Variants in TRMT9B observed in about 807,000 individuals in gnomAD.
TRMT9B encodes the protein tRNA methyltransferase 9B (putative), also known as probable tRNA methyltransferase 9B.
TRMT9B carries 16 observed loss-of-function variants against 11.5 expected under a neutral mutation model. The ratio of observed to expected loss-of-function variants is 1.39; its 90% CI spans 0.94 to 2.11. The LOEUF (loss-of-function observed/expected upper bound fraction) is 2.11. TRMT9B is among the 30% of genes most tolerant of loss of function. TRMT9B has a pLI of 0.00. For missense variants in TRMT9B, 941 were observed against 553.8 expected (o/e 1.70, Z -7.02); for synonymous variants, 274 against 192.4 (o/e 1.42, Z -3.51).
intron 1 of TRMT9B, among the ~76,000 whole-genome samples, chr8:12,986,482 A>G (rs1463678598): frequency 1.3e-5 from 2 of 152,256 alleles, no homozygotes; most frequent in South Asian, 2.1e-4. Context: ...AATATAAAAT[A>G]CAAGGCATTG....
intron 1 of TRMT9B, among the ~76,000 whole-genome samples, chr8:12,955,404 C>G (rs1288025157): frequency 1.3e-5 from 2 of 152,090 alleles, no homozygotes; most frequent in African/African-American, 2.4e-5. Flanking sequence ...TTTTTATTCT[C>G]TTTGCCTTTC....
chr8:12,985,930 G>T (rs1475009288), intron 1 of TRMT9B, among the ~76,000 whole-genome samples: 1 of 151,856 alleles, frequency 6.6e-6, no homozygotes, highest in African/African-American at 2.4e-5. Context: ...GCGTGATCTT[G>T]GCTCACTGCA....
At chr8:12,975,031 T>C (rs1192957345) in intron 1 of TRMT9B, among the ~76,000 whole-genome samples, 1 of 152,070 alleles carries the variant, frequency 6.6e-6, no homozygotes, top group Admixed American at 6.6e-5. Context: ...GTTTTTTTTT[T>C]TTTTAGTTGA....
At chr8:12,990,096 G>A (rs1207323281) in intron 1 of TRMT9B, among the ~76,000 whole-genome samples, 3 of 152,224 alleles carry the variant, frequency 2.0e-5, no homozygotes, top group Non-Finnish European at 2.9e-5. Flanking sequence ...ATCACTGGGT[G>A]TAATAAGAAG....
At chr8:13,010,596 A>G in intron 3 of TRMT9B, 1 of 985,380 alleles carries the variant, frequency 1.0e-6, no homozygotes, top group Non-Finnish European at 1.2e-6. Context: ...CACTGGAAGC[A>G]TGTCAGGAGA....
intron 3 of TRMT9B, 54 bp from the exon 4 acceptor site, chr8:13,012,630 G>T: frequency 6.6e-7 from 1 of 1,520,816 alleles, no homozygotes; most frequent in Non-Finnish European, 8.9e-7. Context: ...GACAAATGAA[G>T]TATTTCACAT....
chr8:13,018,448 A>G (rs945987747), intron 4 of TRMT9B, among the ~76,000 whole-genome samples: 2 of 151,814 alleles, frequency 1.3e-5, no homozygotes, highest in Non-Finnish European at 2.9e-5. Context: ...AGTCCAATCA[A>G]ATTCTGAATG....
intron 2 of TRMT9B, among the ~76,000 whole-genome samples, chr8:12,995,805 T>C (rs1808235564): frequency 6.6e-6 from 1 of 152,154 alleles, no homozygotes; most frequent in Admixed American, 6.5e-5. Flanking sequence ...TTAAATATTA[T>C]AACATTTTTC....
At position 13,022,484 on chromosome 8, in the gene TRMT9B, G is replaced by C. The variant is rs540790720; in HGVS notation, c.*440G>C. 5.9e-6 allele frequency: 1 copy of C among 169,164 alleles called. No individual in the cohort carries two copies. Among genetic ancestry groups the C allele is most frequent in the South Asian group, 2.0e-4 (1 of 4,902 alleles). 10.5% of individuals were successfully genotyped at this position (169,164 alleles called of 1,614,324 possible). On this transcript the variant is annotated 3_prime_UTR_variant, in exon 5 of 5. Transcript: ENST00000524591. ...CTGAGAGCAGTGTGCAAGATAATAGGTAAATTTGATCCATTGCACAGATAT... is the reference window on the plus strand; with the variant it reads ...CTGAGAGCAGTGTGCAAGATAATAGCTAAATTTGATCCATTGCACAGATAT...
At chr8:12,952,699 AG>A (rs1255288087) in intron 1 of TRMT9B, 1 of 983,814 alleles carries the variant, frequency 1.0e-6, no homozygotes, top group Non-Finnish European at 1.2e-6. Context: ...ATGCCAAAAT[AG>A]GAAGGTAAGG....
intron 4 of TRMT9B, among the ~76,000 whole-genome samples, chr8:13,017,680 C>A (rs991612837): frequency 7.3e-6 from 1 of 137,906 alleles, no homozygotes; most frequent in Non-Finnish European, 1.5e-5. Flanking sequence ...GTGGCATGAT[C>A]TTGACTCACT....
chr8:12,984,943 C>A (rs565987109), intron 1 of TRMT9B, among the ~76,000 whole-genome samples: 13 of 145,464 alleles, frequency 8.9e-5, no homozygotes, highest in Non-Finnish European at 1.8e-4. Flanking sequence ...TTACAACCAC[C>A]TCCCTCAACA....
Position 13,021,507 on chromosome 8 carries a change from T to A in TRMT9B, c.828T>A (p.Val276=), listed in dbSNP as rs75377133. 6,663 of 1,613,608 alleles carry A rather than the reference T, an allele frequency of 4.1e-3. 228 individuals are homozygous for A. The African/African-American group carries it at 0.079, about 19-fold the overall frequency. The change falls in exon 5 of 5, where the codon GTT becomes GTA. Residue 276 remains valine, a synonymous_variant. Transcript: ENST00000524591. ...TAAGACCCTTGAAAAACACAGAAGTTTGGGCCAGTAGCACTGTAACAGTCC... is the reference window on the plus strand; with the variant it reads ...TAAGACCCTTGAAAAACACAGAAGTATGGGCCAGTAGCACTGTAACAGTCC... ...ERVRPLKNTE[V]WASSTVTVQP...
chr8:12,998,542 A>T (rs992041155), intron 2 of TRMT9B, among the ~76,000 whole-genome samples: 1 of 152,240 alleles, frequency 6.6e-6, no homozygotes, highest in African/African-American at 2.4e-5. Context: ...TTCTGATGAC[A>T]GGGCTAAGTG....
At position 13,029,690 on chromosome 8, in the gene TRMT9B, T is replaced by C. The variant is rs73548483; in HGVS notation, c.*7646T>C. On this transcript the variant is annotated 3_prime_UTR_variant, in exon 5 of 5. Coordinates refer to ENST00000524591, the MANE Select transcript of TRMT9B (RefSeq NM_020844.3). The stretch of plus-strand genomic sequence containing the variant: ...GGAAGCAAAATTAACCTTTTAATAA[T>C]AGATTATCTTTAATGGTTATTAAAA... The C allele has an allele frequency of 0.079, 12,263 of 154,410 alleles. 1,522 individuals carry two copies. Among genetic ancestry groups the C allele is most frequent in the African/African-American group, 0.26 (10,934 of 41,488 alleles). The allele number at this position is 154,410 out of a possible 1,614,324, so 9.6% of individuals were successfully genotyped here. A position where few individuals can be genotyped will look rare whatever the true frequency, so the allele number is the denominator to read the frequency against.
intron 3 of TRMT9B, chr8:13,010,600 C>T: frequency 3.0e-6 from 3 of 985,272 alleles, no homozygotes; most frequent in Non-Finnish European, 3.6e-6. Flanking sequence ...GGAAGCATGT[C>T]AGGAGAAAAG....
intron 3 of TRMT9B, chr8:13,011,019 T>C (rs1456826737): frequency 8.0e-6 from 6 of 752,040 alleles, no homozygotes; most frequent in African/African-American, 3.8e-5. Flanking sequence ...TCTAACTCTG[T>C]CATCACCTAG....
intron 4 of TRMT9B, among the ~76,000 whole-genome samples, chr8:13,017,951 C>A (rs1813053446): frequency 6.6e-6 from 1 of 151,472 alleles, no homozygotes; most frequent in African/African-American, 2.4e-5. Flanking sequence ...GAACATTTGG[C>A]TTAAAGGCTG....
rs1815011259 is a variant in TRMT9B, at chr8:13,028,666, C to G, written c.*6622C>G. On this transcript the variant is annotated 3_prime_UTR_variant, in exon 5 of 5. Transcript: ENST00000524591. ...TCTCAGCTCATTGCAACCTCTGCCTCCCAGGTTTAAGCAATTCTCGTGCCT... is the reference window on the plus strand; with the variant it reads ...TCTCAGCTCATTGCAACCTCTGCCTGCCAGGTTTAAGCAATTCTCGTGCCT... 6.6e-6 allele frequency: 1 copy of G among 150,622 alleles called. No individual in the cohort carries two copies. The highest frequency in any genetic ancestry group is 1.5e-5 in the Non-Finnish European group (1 of 67,808). The allele number at this position is 150,622 out of a possible 1,614,324, so 9.3% of individuals were successfully genotyped here.
Sources: gnomAD v4.1 joint callset for allele counts (sites outside exome capture counted in the v4.1 genomes callset) on GRCh38, gnomAD v4.1.1 for gene constraint, MANE v1.5 for transcripts, NCBI Gene and HGNC (gene_info 2026-07-23, HGNC 2026-07-21) for gene names.